TMEM87A: variants seen among roughly 807,000 people sequenced by gnomAD.
TMEM87A encodes Golgi-pH regulating cation channel.
TMEM87A carries 50 observed loss-of-function variants against 90.0 expected under a neutral mutation model. The observed-to-expected ratio is 0.56, with a 90% CI of 0.44 to 0.70. TMEM87A has a LOEUF of 0.70. Ranked by LOEUF, TMEM87A falls within the 30% of genes least tolerant of loss-of-function variation. The pLI, the probability that TMEM87A is intolerant of heterozygous loss-of-function variation, is 0.00. For synonymous variants in TMEM87A, 226 were observed against 226.7 expected (o/e 1.00, Z 0.03); for missense variants, 577 against 660.5 (o/e 0.87, Z 1.39).
chr15:42,261,511 TTAGATA>T (rs1324840700), intron 4 of TMEM87A, among the ~76,000 whole-genome samples: 19 of 152,286 alleles, frequency 1.2e-4, no homozygotes, highest in African/African-American at 4.3e-4. Flanking sequence ...TGACAAAGCT[TTAGATA>T]TAGGATGTAT....
At chr15:42,239,066 G>C (rs1201784267) in intron 8 of TMEM87A, among the ~76,000 whole-genome samples, 3 of 151,930 alleles carry the variant, frequency 2.0e-5, no homozygotes, top group African/African-American at 4.8e-5. Flanking sequence ...TTGTTGTTGA[G>C]ACAGTTTCAC....
intron 3 of TMEM87A, among the ~76,000 whole-genome samples, chr15:42,265,331 G>A (rs2051381999): frequency 6.6e-6 from 1 of 152,136 alleles, no homozygotes; most frequent in African/African-American, 2.4e-5. Context: ...CACTAACAAT[G>A]TATAAGCATT....
chr15:42,269,777 A>G (rs1014315151), intron 2 of TMEM87A, among the ~76,000 whole-genome samples: 6 of 149,482 alleles, frequency 4.0e-5, no homozygotes, highest in Non-Finnish European at 8.9e-5. Context: ...TCTACTAAAA[A>G]TACAAAAAAT....
intron 15 of TMEM87A, among the ~76,000 whole-genome samples, chr15:42,224,989 TAGATC>T (rs1276903760): frequency 3.9e-5 from 6 of 152,298 alleles, no homozygotes; most frequent in Admixed American, 3.9e-4. Flanking sequence ...GAGTAACCAG[TAGATC>T]AACAGACGGA....
At chr15:42,221,121 G>A (rs1159770174) in intron 15 of TMEM87A, among the ~76,000 whole-genome samples, 3 of 152,188 alleles carry the variant, frequency 2.0e-5, no homozygotes, top group East Asian at 3.9e-4. Context: ...GTGAGCCACC[G>A]CGCCTGGCCG....
intron 15 of TMEM87A, among the ~76,000 whole-genome samples, chr15:42,220,871 A>G (rs1434622634): frequency 6.6e-6 from 1 of 152,130 alleles, no homozygotes. Context: ...ACCTCACTGC[A>G]AGCTCCGCCT....
intron 7 of TMEM87A, among the ~76,000 whole-genome samples, chr15:42,241,822 C>T (rs542042878): frequency 2.6e-5 from 4 of 151,928 alleles, no homozygotes; most frequent in Non-Finnish European, 5.9e-5. Context: ...ACTAAAAATA[C>T]AATCTACTAA....
intron 4 of TMEM87A, among the ~76,000 whole-genome samples, chr15:42,263,731 G>C (rs2051341957): frequency 6.6e-6 from 1 of 152,184 alleles, no homozygotes; most frequent in Non-Finnish European, 1.5e-5. Context: ...CTGGCGGACA[G>C]AGCAAGAATC....
At chr15:42,246,082 A>T (rs2050966708) in intron 6 of TMEM87A, among the ~76,000 whole-genome samples, 1 of 152,196 alleles carries the variant, frequency 6.6e-6, no homozygotes, top group African/African-American at 2.4e-5. Context: ...ACCACTTGCA[A>T]CTACTTATTT....
intron 7 of TMEM87A, among the ~76,000 whole-genome samples, chr15:42,240,725 A>G (rs1179039440): frequency 6.6e-6 from 1 of 152,198 alleles, no homozygotes; most frequent in Non-Finnish European, 1.5e-5. Flanking sequence ...CTAGAGACAG[A>G]CTAATAACTG....
chr15:42,220,664 A>C (rs956712651), intron 15 of TMEM87A, among the ~76,000 whole-genome samples: 1 of 152,232 alleles, frequency 6.6e-6, no homozygotes, highest in East Asian at 1.9e-4. Flanking sequence ...GAAGCTCAGA[A>C]GATGAAGGTC....
At chr15:42,253,146 G>A (rs2051116082) in intron 6 of TMEM87A, among the ~76,000 whole-genome samples, 1 of 152,220 alleles carries the variant, frequency 6.6e-6, no homozygotes, top group East Asian at 1.9e-4. Context: ...TTGCACCCTG[G>A]CGCAATCCTT....
Position 42,252,060 on chromosome 15 carries a change from G to A in TMEM87A, c.505-7893C>T, listed in dbSNP as rs532367708. Among the ~76,000 whole-genome samples, 3 of 152,322 alleles carry A rather than the reference G, an allele frequency of 2.0e-5. No homozygotes were observed. The East Asian group carries it at 5.8e-4, about 29-fold the overall frequency. On this transcript the variant is annotated intron_variant, in intron 6 of 19. Coordinates refer to ENST00000389834, the MANE Select transcript of TMEM87A (RefSeq NM_015497.5). ...GCGTGGGACCCGCTGAGCCAGGTGC[G>A]GGATATAATCTCCTGGTGTGCCGTT...
intron 6 of TMEM87A, among the ~76,000 whole-genome samples, chr15:42,254,653 CA>C (rs1487346649): frequency 6.6e-6 from 1 of 152,040 alleles, no homozygotes; most frequent in African/African-American, 2.4e-5. Flanking sequence ...CTGGAAAAGG[CA>C]AAACTATGAA....
chr15:42,236,655 C>T (rs1440434006), intron 9 of TMEM87A, among the ~76,000 whole-genome samples: 1 of 152,164 alleles, frequency 6.6e-6, no homozygotes, highest in Non-Finnish European at 1.5e-5. Context: ...CCCGACCTGG[C>T]CCCAAATTCA....
chr15:42,220,260 ATAAT>A, intron 15 of TMEM87A, 125 bp from the exon 16 acceptor site: 1 of 680,042 alleles, frequency 1.5e-6, no homozygotes, highest in Non-Finnish European at 2.5e-6. Context: ...CAGTTTAATA[ATAAT>A]ATTTCTTCCC....
Position 42,239,172 on chromosome 15 carries a change from C to G in TMEM87A, c.684+498G>C, listed in dbSNP as rs563808108. ...AATTCTGCTTTAGCCTCCCGAGTAG[C>G]TGGGACTACAGGCGCCTACCACCAC... On this transcript the variant is annotated intron_variant, in intron 8 of 19. Transcript: ENST00000389834. Among the ~76,000 whole-genome samples the G allele has an allele frequency of 1.7e-3, 265 of 152,222 alleles. 2 individuals are homozygous for G. The highest frequency in any genetic ancestry group is 3.4e-3 in the Middle Eastern group (1 of 294).
At chr15:42,266,030 G>T (rs556619970) in intron 3 of TMEM87A, among the ~76,000 whole-genome samples, 1 of 152,058 alleles carries the variant, frequency 6.6e-6, no homozygotes, top group Non-Finnish European at 1.5e-5. Context: ...GTAGGTGTGC[G>T]GCCTTATTTC....
intron 11 of TMEM87A, among the ~76,000 whole-genome samples, chr15:42,232,639 A>G (rs2050704668): frequency 6.6e-6 from 1 of 151,120 alleles, no homozygotes. Context: ...ACGCCCAGCT[A>G]ATTTCTCGTA....
Sources: allele counts gnomAD v4.1 joint callset (sites outside exome capture counted in the v4.1 genomes callset), GRCh38; gene constraint gnomAD v4.1.1; transcripts MANE v1.5; gene names NCBI Gene and HGNC (gene_info 2026-07-23, HGNC 2026-07-21).